Variants in NRAP observed in about 807,000 individuals in gnomAD.
NRAP encodes nebulin related anchoring protein, also known as nebulin-related-anchoring protein.
Under a neutral mutation model 225.9 loss-of-function variants are expected in NRAP, and 189 were observed. The ratio of observed to expected loss-of-function variants is 0.84; its 90% CI spans 0.74 to 0.94. The LOEUF (loss-of-function observed/expected upper bound fraction) is 0.94, where lower values mean the gene tolerates loss of function less well. NRAP is among the 40% of genes least tolerant of loss of function. NRAP has a pLI of 0.00. For synonymous variants in NRAP, 769 were observed against 790.7 expected (o/e 0.97, Z 0.46); for missense variants, 2,176 against 2,168.7 (o/e 1.00, Z -0.07).
At chr10:113,652,712 T>C (rs1329892505) in intron 6 of NRAP, among the ~76,000 whole-genome samples, 1 of 152,210 alleles carries the variant, frequency 6.6e-6, no homozygotes, top group Non-Finnish European at 1.5e-5. Flanking sequence ...GTCCAGACTT[T>C]GGGTGAACTA....
intron 11 of NRAP, among the ~76,000 whole-genome samples, chr10:113,645,296 A>T (rs3121476): frequency 2.6e-5 from 4 of 152,120 alleles, no homozygotes; most frequent in African/African-American, 9.6e-5. Context: ...TAACTTCTGA[A>T]CCACCAGAGA....
chr10:113,622,253 TG>T, intron 23 of NRAP, 73 bp from the exon 24 acceptor site: 4 of 1,027,754 alleles, frequency 3.9e-6, no homozygotes, highest in Non-Finnish European at 5.9e-6. Flanking sequence ...ACTCCATGCA[TG>T]GGAGCTGAAA....
At chr10:113,623,675 G>A (rs750575624) in intron 22 of NRAP, 39 bp from the exon 23 acceptor site, 3 of 1,352,854 alleles carry the variant, frequency 2.2e-6, no homozygotes. Context: ...GGGTTTTCAT[G>A]TGAGAGGGTT....
At chr10:113,623,475 G>A (rs574841623) in intron 23 of NRAP, 54 bp downstream of exon 23, 33 of 1,117,120 alleles carry the variant, frequency 3.0e-5, no homozygotes, top group East Asian at 7.1e-5. Flanking sequence ...GAATCTCCCC[G>A]GTATAAAAAG....
chr10:113,590,010 T>G (rs544482064), intron 40 of NRAP, among the ~76,000 whole-genome samples: 1 of 152,336 alleles, frequency 6.6e-6, no homozygotes, highest in East Asian at 1.9e-4. Flanking sequence ...TGTTGCTGTC[T>G]CTTGCATCTT....
chr10:113,604,810 G>T lies in NRAP; in HGVS notation c.4026C>A (p.Ser1342Arg). The T allele has an allele frequency of 6.2e-7, 1 of 1,614,148 alleles. No individual in the cohort carries two copies. The highest frequency in any genetic ancestry group is 1.1e-5 in the South Asian group (1 of 91,064). The change falls in exon 35 of 42, where the codon AGC (serine) becomes AGA (arginine). Residue 1342 changes from serine to arginine, a missense_variant. Transcript: ENST00000359988. ...QHCRRMGQLQ[S>R]ELQYRRGATS... Reference sequence around the variant, plus strand: ...TCGCCCCCCTCCTGTACTGAAGCTCGCTCTGCAGCTGGCCCATGCGCCGGC... The same window carrying T: ...TCGCCCCCCTCCTGTACTGAAGCTCTCTCTGCAGCTGGCCCATGCGCCGGC...
chr10:113,629,044 C>A, intron 19 of NRAP, 23 bp from the exon 20 acceptor site: 1 of 1,536,154 alleles, frequency 6.5e-7, no homozygotes, highest in South Asian at 1.1e-5. Flanking sequence ...AACCACAAAG[C>A]TCTCATTGGG....
At chr10:113,632,115 C>T (rs748280125) in intron 16 of NRAP, 151 bp from the exon 17 acceptor site, 50 of 630,560 alleles carry the variant, frequency 7.9e-5, no homozygotes, top group Non-Finnish European at 1.2e-4. Flanking sequence ...ATTATTAACA[C>T]AGTTAATTGA....
intron 37 of NRAP, among the ~76,000 whole-genome samples, chr10:113,595,987 A>ATAAGCT (rs1846268947): frequency 6.6e-6 from 1 of 152,196 alleles, no homozygotes; most frequent in East Asian, 1.9e-4. Context: ...TAAGCCACAA[A>ATAAGCT]CCAACATCAT....
intron 20 of NRAP, among the ~76,000 whole-genome samples, chr10:113,627,525 G>C (rs777163896): frequency 1.3e-5 from 2 of 152,130 alleles, no homozygotes; most frequent in African/African-American, 2.4e-5. Flanking sequence ...GGCTCTGATT[G>C]CTCCACCTGG....
chr10:113,608,448 AGG>A lies in NRAP; in HGVS notation c.3666_3667del (p.Leu1223SerfsTer11). Reference sequence around the variant, plus strand: ...TATCTGGTTGCTGAATTTCGCATGAAGGAGGTTGGGAGTGTCTGTCACAGCTG... The same window carrying A: ...TATCTGGTTGCTGAATTTCGCATGAAAGGTTGGGAGTGTCTGTCACAGCTG... On this transcript the variant is annotated frameshift_variant, in exon 32 of 42. Transcript: ENST00000359988. LOFTEE classifies it high-confidence loss of function. The A allele has an allele frequency of 6.2e-7, 1 of 1,613,104 alleles. No individual in the cohort carries two copies. The highest frequency in any genetic ancestry group is 8.5e-7 in the Non-Finnish European group (1 of 1,179,456).
chr10:113,611,552 C>T (rs1309567701), intron 30 of NRAP, among the ~76,000 whole-genome samples: 2 of 152,176 alleles, frequency 1.3e-5, no homozygotes, highest in African/African-American at 2.4e-5. Context: ...CCCTCCTGGG[C>T]CTGTCTGCTT....
In NRAP at chr10:113,589,906, T is replaced by G. The variant is rs1479783543; in HGVS notation, c.4957-109A>C. The G allele has an allele frequency of 6.3e-6, 8 of 1,263,206 alleles. No homozygotes were observed. In the Admixed American group the frequency reaches 1.4e-4, roughly 22 times the overall value. The allele number at this position is 1,263,206 out of a possible 1,614,324, so 78.2% of individuals were successfully genotyped here. The stretch of plus-strand genomic sequence containing the variant: ...AGCCACAGTATGAGACTATGTTGTC[T>G]GTCATCAGTAAAGCCAGAACAAGGG... On this transcript the variant is annotated intron_variant, in intron 40 of 41. Coordinates refer to ENST00000359988, the MANE Select transcript of NRAP (RefSeq NM_198060.4).
chr10:113,650,525 A>G lies in NRAP; in HGVS notation c.696T>C (p.Tyr232=). ...AACTGCCTTTCCCTCTTTGTTGTTC[A>G]TAGTCCTCTGTGTATCTCACCTGAA... The part of the protein sequence containing the change: ...LQSDVRYTED[Y]EQQRGKGSFP... The change falls in exon 8 of 42, where the codon TAT becomes TAC. Residue 232 remains tyrosine (Y), a synonymous_variant. Transcript: ENST00000359988. The G allele has an allele frequency of 6.2e-7, 1 of 1,612,902 alleles. No individual in the cohort carries two copies. The highest frequency in any genetic ancestry group is 8.5e-7 in the Non-Finnish European group (1 of 1,178,934).
chr10:113,597,496 T>C (rs1240390345), intron 36 of NRAP, among the ~76,000 whole-genome samples: 1 of 152,186 alleles, frequency 6.6e-6, no homozygotes, highest in African/African-American at 2.4e-5. Context: ...CCTGTCCAAA[T>C]ACATTCTGTT....
chr10:113,598,310 G>T (rs1013373432), intron 35 of NRAP, among the ~76,000 whole-genome samples: 6 of 148,652 alleles, frequency 4.0e-5, no homozygotes, highest in African/African-American at 1.5e-4. Context: ...CCAGTGAATT[G>T]GCAGGATTTA....
intron 3 of NRAP, among the ~76,000 whole-genome samples, chr10:113,660,855 A>G (rs1850630641): frequency 2.0e-5 from 3 of 152,214 alleles, no homozygotes; most frequent in Admixed American, 2.0e-4. Context: ...TAAATATCCT[A>G]AAGTTAAACA....
intron 35 of NRAP, among the ~76,000 whole-genome samples, chr10:113,601,359 C>T (rs1846590705): frequency 6.6e-6 from 1 of 152,206 alleles, no homozygotes; most frequent in South Asian, 2.1e-4. Context: ...CTATTTAGCA[C>T]TTGTTTCCTT....
intron 25 of NRAP, among the ~76,000 whole-genome samples, chr10:113,620,187 A>T (rs940431248): frequency 2.0e-5 from 3 of 152,194 alleles, no homozygotes; most frequent in Non-Finnish European, 4.4e-5. Flanking sequence ...ACCATGTCAC[A>T]TGGTGGCCAC....
Sources: gnomAD v4.1 joint callset for allele counts (sites outside exome capture counted in the v4.1 genomes callset) on GRCh38, gnomAD v4.1.1 for gene constraint, MANE v1.5 for transcripts, NCBI Gene and HGNC (gene_info 2026-07-23, HGNC 2026-07-21) for gene names.